The following MALRD1 variants were observed in gnomAD, a reference collection of about 807,000 sequenced individuals.
The protein encoded by MALRD1 is MAM and LDL receptor class A domain containing 1.
In MALRD1, 247 loss-of-function variants were observed where a neutral mutation model predicts 242.1. The ratio of observed to expected loss-of-function variants is 1.02; its 90% CI spans 0.92 to 1.13. The LOEUF (loss-of-function observed/expected upper bound fraction) is 1.13. Among genes scored for constraint, MALRD1 ranks in the 50% most tolerant of loss-of-function variants. The pLI is 0.00. For missense variants in MALRD1, 2,989 were observed against 2,533.1 expected (o/e 1.18, Z -3.86); for synonymous variants, 995 against 866.6 (o/e 1.15, Z -2.60).
intron 36 of MALRD1, among the ~76,000 whole-genome samples, chr10:19,620,704 A>G (rs527452283): frequency 7.1e-4 from 108 of 152,218 alleles, no homozygotes; most frequent in African/African-American, 2.5e-3. Context: ...TTCATGACCC[A>G]TCCCTAATGT....
intron 27 of MALRD1, 100 bp downstream of exon 27, chr10:19,387,873 A>T: frequency 7.2e-7 from 1 of 1,383,764 alleles, no homozygotes; most frequent in South Asian, 1.5e-5. Flanking sequence ...AGAGACCACC[A>T]CGATGGTATT....
intron 24 of MALRD1, among the ~76,000 whole-genome samples, chr10:19,335,378 C>G (rs973326127): frequency 1.4e-4 from 21 of 152,014 alleles, no homozygotes; most frequent in South Asian, 1.2e-3. Flanking sequence ...TTTCTTTTAA[C>G]ATAGCATTGC....
chr10:19,272,581 A>G (rs1328033616), intron 19 of MALRD1, among the ~76,000 whole-genome samples: 1 of 152,156 alleles, frequency 6.6e-6, no homozygotes, highest in Non-Finnish European at 1.5e-5. Flanking sequence ...TTTGTTACAT[A>G]GGTATACATG....
intron 33 of MALRD1, among the ~76,000 whole-genome samples, chr10:19,576,562 G>C (rs58830246): frequency 0.095 from 14,439 of 152,164 alleles, 1,073 homozygotes; most frequent in African/African-American, 0.2. Flanking sequence ...AAAATGCTAA[G>C]TGGTTAATTG....
chr10:19,600,455 G>A (rs1452056170), intron 34 of MALRD1, among the ~76,000 whole-genome samples: 1 of 152,064 alleles, frequency 6.6e-6, no homozygotes, highest in African/African-American at 2.4e-5. Context: ...TATTTAAACT[G>A]CTAAGGTATT....
chr10:19,534,016 C>A (rs1274847919), intron 32 of MALRD1, among the ~76,000 whole-genome samples: 1 of 152,118 alleles, frequency 6.6e-6, no homozygotes, highest in Non-Finnish European at 1.5e-5. Context: ...CCATCTTTCC[C>A]CACAAAGGGA....
At chr10:19,108,390 T>A (rs147260219) in intron 5 of MALRD1, among the ~76,000 whole-genome samples, 3 of 6,424 alleles carry the variant, frequency 4.7e-4, no homozygotes, top group East Asian at 4.5e-3. Flanking sequence ...GTTTTTTCTT[T>A]TTTTTTTTTT....
At chr10:19,393,157 T>C (rs1490516640) in intron 28 of MALRD1, among the ~76,000 whole-genome samples, 1 of 152,200 alleles carries the variant, frequency 6.6e-6, no homozygotes, top group East Asian at 1.9e-4. Flanking sequence ...TTAAAATAAC[T>C]GGGCCCTATC....
chr10:19,463,270 G>A (rs910119054), intron 29 of MALRD1, among the ~76,000 whole-genome samples: 1 of 151,926 alleles, frequency 6.6e-6, no homozygotes, highest in Non-Finnish European at 1.5e-5. Context: ...CACCCATCAC[G>A]TGAACAGTAC....
intron 21 of MALRD1, among the ~76,000 whole-genome samples, chr10:19,319,481 G>A (rs1842833143): frequency 6.6e-6 from 1 of 152,036 alleles, no homozygotes; most frequent in Non-Finnish European, 1.5e-5. Context: ...TAGTTCTCTG[G>A]ATTGTTTGTT....
At chr10:19,199,907 GA>G (rs1836446502) in intron 14 of MALRD1, among the ~76,000 whole-genome samples, 1 of 152,122 alleles carries the variant, frequency 6.6e-6, no homozygotes, top group Non-Finnish European at 1.5e-5. Flanking sequence ...GCCAAGGCAG[GA>G]GGACCCTTGA....
chr10:19,166,547 G>A (rs1034216567), intron 13 of MALRD1, among the ~76,000 whole-genome samples: 3 of 152,154 alleles, frequency 2.0e-5, no homozygotes, highest in Admixed American at 6.5e-5. Context: ...AAGTTATTGT[G>A]TATTTCAAAA....
At chr10:19,373,203 C>CAAAAA (rs374095193) in intron 26 of MALRD1, among the ~76,000 whole-genome samples, 22 of 114,850 alleles carry the variant, frequency 1.9e-4, no homozygotes, top group African/African-American at 5.8e-4. Context: ...ACGCTAAATA[C>CAAAAA]AAAAAAAAAA....
At chr10:19,430,458 C>T (rs1405976334) in intron 28 of MALRD1, among the ~76,000 whole-genome samples, 2 of 151,902 alleles carry the variant, frequency 1.3e-5, no homozygotes, top group African/African-American at 4.8e-5. Flanking sequence ...TGTTCACCTT[C>T]CGAGGCCCAT....
intron 31 of MALRD1, among the ~76,000 whole-genome samples, chr10:19,527,020 C>T (rs1834131708): frequency 6.6e-5 from 10 of 152,102 alleles, no homozygotes. Flanking sequence ...TAGAAAATAA[C>T]TATGGCTATT....
chr10:19,217,740 G>T (rs187484368), intron 18 of MALRD1, among the ~76,000 whole-genome samples: 4 of 152,002 alleles, frequency 2.6e-5, no homozygotes, highest in African/African-American at 9.7e-5. Flanking sequence ...TGGCCAGGAT[G>T]GTCTCGATCT....
chr10:19,545,661 T>C (rs1300782869), intron 32 of MALRD1, among the ~76,000 whole-genome samples: 1 of 148,966 alleles, frequency 6.7e-6, no homozygotes. Context: ...CCTGGAAATT[T>C]AATGAGCCCT....
intron 34 of MALRD1, chr10:19,598,283 C>T (rs896180425): frequency 1.3e-5 from 2 of 152,016 alleles, no homozygotes; most frequent in African/African-American, 4.8e-5. Flanking sequence ...TATAGTTTGC[C>T]ACTAGAGAAG....
chr10:19,450,176 T>C, intron 28 of MALRD1, 131 bp from the exon 29 acceptor site: 1 of 765,196 alleles, frequency 1.3e-6, no homozygotes, highest in Non-Finnish European at 2.0e-6. Flanking sequence ...TTTCACAGAT[T>C]CAGTGCTTCT....
Sources: gnomAD v4.1 joint callset for allele counts (sites outside exome capture counted in the v4.1 genomes callset) on GRCh38, gnomAD v4.1.1 for gene constraint, MANE v1.5 for transcripts, NCBI Gene and HGNC (gene_info 2026-07-23, HGNC 2026-07-21) for gene names.